VAC14: variants seen among roughly 807,000 people sequenced by gnomAD.
VAC14 encodes protein VAC14 homolog.
Under a neutral mutation model 85.3 loss-of-function variants are expected in VAC14, and 47 were observed. The observed-to-expected ratio is 0.55, with a 90% CI of 0.44 to 0.70. The LOEUF is 0.70. VAC14 is among the 30% of genes least tolerant of loss of function. The pLI is 0.00. For missense variants in VAC14, 861 were observed against 1,004.3 expected (o/e 0.86, Z 1.93); for synonymous variants, 447 against 430.5 (o/e 1.04, Z -0.47).
At chr16:70,731,702 A>G (rs2054596939) in intron 13 of VAC14, 75 bp from the exon 14 acceptor site, 2 of 1,470,754 alleles carry the variant, frequency 1.4e-6, no homozygotes, top group East Asian at 4.6e-5. Flanking sequence ...CACAGAATAT[A>G]AACAACTATA....
intron 14 of VAC14, among the ~76,000 whole-genome samples, chr16:70,723,348 C>G (rs1361531306): frequency 6.6e-6 from 1 of 152,126 alleles, no homozygotes; most frequent in Non-Finnish European, 1.5e-5. Context: ...GAGGCTGAGG[C>G]AGGAGGTCAC....
intron 18 of VAC14, chr16:70,690,898 G>A (rs2053584046): frequency 1.0e-6 from 1 of 985,366 alleles, no homozygotes; most frequent in Non-Finnish European, 1.2e-6. Flanking sequence ...AAGGCTAGGG[G>A]GTGTCTCACA....
chr16:70,763,553 CA>C (rs34778622), intron 10 of VAC14, among the ~76,000 whole-genome samples: 3 of 152,346 alleles, frequency 2.0e-5, no homozygotes, highest in African/African-American at 7.2e-5. Flanking sequence ...GGATGTTTCT[CA>C]AGTGAGGTCA....
intron 9 of VAC14, among the ~76,000 whole-genome samples, chr16:70,774,137 AC>A (rs2033393968): frequency 1.3e-5 from 2 of 152,146 alleles, no homozygotes; most frequent in South Asian, 4.1e-4. Flanking sequence ...CTAAATGATT[AC>A]CCTAATTTGA....
At chr16:70,746,211 C>T (rs141084339) in intron 12 of VAC14, among the ~76,000 whole-genome samples, 1 of 152,340 alleles carries the variant, frequency 6.6e-6, no homozygotes, top group East Asian at 1.9e-4. Flanking sequence ...TGCTTGCTCA[C>T]CCATTCCCGC....
rs913475911 is a variant in VAC14 at position 70,801,117 on chromosome 16, C to A, written c.-217G>T. On this transcript the variant is annotated 5_prime_UTR_variant, in exon 1 of 19. Coordinates refer to ENST00000261776, the MANE Select transcript of VAC14 (RefSeq NM_018052.5). ...TGGCCGCTTAACAACTCCCGCCCGG[C>A]ACTAGCGGGACTCACGAGACAGCGG... 2 of 433,996 alleles carry A rather than the reference C, an allele frequency of 4.6e-6. No homozygotes were observed. The highest frequency in any genetic ancestry group is 5.2e-5 in the South Asian group (1 of 19,188). The allele number at this position is 433,996 out of a possible 1,614,324, so 26.9% of individuals were successfully genotyped here. A position where few individuals can be genotyped will look rare whatever the true frequency, so the allele number is the denominator to read the frequency against.
intron 14 of VAC14, among the ~76,000 whole-genome samples, chr16:70,701,286 T>G (rs2053822432): frequency 2.6e-5 from 4 of 152,130 alleles, no homozygotes; most frequent in Non-Finnish European, 5.9e-5. Context: ...GAACAGCTGC[T>G]TGCCTGGTGG....
intron 10 of VAC14, among the ~76,000 whole-genome samples, chr16:70,768,091 C>T (rs921385154): frequency 2.6e-5 from 4 of 152,140 alleles, no homozygotes; most frequent in African/African-American, 4.8e-5. Context: ...CACCATGTTG[C>T]CCTGGACTGG....
chr16:70,732,940 C>T (rs909381730), intron 13 of VAC14, among the ~76,000 whole-genome samples: 2 of 152,182 alleles, frequency 1.3e-5, no homozygotes, highest in South Asian at 2.1e-4. Context: ...TGAGCCACCA[C>T]ACCCGGCCCA....
intron 18 of VAC14, chr16:70,689,783 A>T (rs1567516698): frequency 2.0e-6 from 2 of 985,392 alleles, no homozygotes; most frequent in East Asian, 2.3e-4. Flanking sequence ...GCAGTGTTCT[A>T]GGCTGTGGTT....
chr16:70,723,697 C>T (rs1417512594), intron 14 of VAC14, among the ~76,000 whole-genome samples: 1 of 152,224 alleles, frequency 6.6e-6, no homozygotes, highest in East Asian at 1.9e-4. Flanking sequence ...TGACCATCAC[C>T]CTACCAGCCC....
chr16:70,704,090 C>T (rs545827725), intron 14 of VAC14, among the ~76,000 whole-genome samples: 5 of 152,244 alleles, frequency 3.3e-5, no homozygotes, highest in Non-Finnish European at 7.3e-5. Context: ...CATGGACAGC[C>T]GCAGGCCTCT....
intron 14 of VAC14, among the ~76,000 whole-genome samples, chr16:70,717,902 C>T (rs1235145016): frequency 6.6e-6 from 1 of 152,240 alleles, no homozygotes; most frequent in Non-Finnish European, 1.5e-5. Flanking sequence ...GATCTGCCTG[C>T]CTTGGCCTCC....
intron 14 of VAC14, among the ~76,000 whole-genome samples, chr16:70,725,570 T>C (rs1345190762): frequency 6.7e-6 from 1 of 150,342 alleles, no homozygotes; most frequent in Admixed American, 6.6e-5. Context: ...AGGGCTCTTA[T>C]GCAAACCCAG....
intron 1 of VAC14, among the ~76,000 whole-genome samples, chr16:70,789,034 C>T (rs376641615): frequency 6.6e-6 from 1 of 152,242 alleles, no homozygotes; most frequent in East Asian, 1.9e-4. Context: ...CAGTCTTCCG[C>T]AGGAAGCTGG....
At chr16:70,694,710 AGT>A (rs1352873985) in intron 17 of VAC14, among the ~76,000 whole-genome samples, 1 of 152,196 alleles carries the variant, frequency 6.6e-6, no homozygotes, top group Non-Finnish European at 1.5e-5. Context: ...CGTCATTCAA[AGT>A]GTGTATGTTG....
At chr16:70,760,988 T>TGTGTGTGTGTGC (rs2032299110) in intron 12 of VAC14, among the ~76,000 whole-genome samples, 1 of 110,820 alleles carries the variant, frequency 9.0e-6, no homozygotes. Context: ...TGTGTGTGTG[T>TGTGTGTGTGTGC]GTGTGTGTGT....
chr16:70,763,040 G>C lies in VAC14; in HGVS notation c.1161-15C>G, dbSNP rs375110678. ...CTCTTTCAGTGCTGTGGGTAAGATC[G>C]GGAGGGAGAGCAGAGGTGAAGCCCA... On this transcript the variant is annotated splice_polypyrimidine_tract_variant and intron_variant, in intron 10 of 18. Transcript: ENST00000261776. The C allele has an allele frequency of 9.9e-6, 16 of 1,614,010 alleles. No individual in the cohort carries two copies. The Admixed American group carries it at 2.5e-4, about 25-fold the overall frequency.
chr16:70,754,264 T>G (rs1010081999), intron 12 of VAC14, among the ~76,000 whole-genome samples: 2 of 151,928 alleles, frequency 1.3e-5, no homozygotes, highest in African/African-American at 4.8e-5. Flanking sequence ...GAATGAGGGG[T>G]GGGTAGAGGC....
Sources: allele counts gnomAD v4.1 joint callset (sites outside exome capture counted in the v4.1 genomes callset), GRCh38; gene constraint gnomAD v4.1.1; transcripts MANE v1.5; gene names NCBI Gene and HGNC (gene_info 2026-07-23, HGNC 2026-07-21).